Variants in EPS8 observed in about 807,000 individuals in gnomAD.
EPS8 encodes the protein EGFR pathway substrate 8, signaling adaptor, also known as epidermal growth factor receptor kinase substrate 8.
EPS8 carries 42 observed loss-of-function variants against 103.8 expected under a neutral mutation model. The observed-to-expected ratio is 0.40, with a 90% confidence interval of 0.32 to 0.52. The LOEUF is 0.52. EPS8 is among the 20% of genes least tolerant of loss of function. The pLI is 0.40. For missense variants in EPS8, 969 were observed against 1,005.1 expected (o/e 0.96, Z 0.49); for synonymous variants, 344 against 344.6 (o/e 1.00, Z 0.02).
At chr12:15,685,804 G>A (rs1946086435) in intron 1 of EPS8, among the ~76,000 whole-genome samples, 1 of 152,008 alleles carries the variant, frequency 6.6e-6, no homozygotes, top group African/African-American at 2.4e-5. Context: ...AGGCTTTTAA[G>A]ACATACCCAG....
At chr12:15,707,677 A>G (rs1020398529) in intron 1 of EPS8, among the ~76,000 whole-genome samples, 2 of 152,134 alleles carry the variant, frequency 1.3e-5, no homozygotes, top group East Asian at 3.9e-4. Context: ...ATTTATGCTC[A>G]TGATCAGATT....
At chr12:15,739,463 T>C (rs920905030) in intron 1 of EPS8, among the ~76,000 whole-genome samples, 3 of 152,176 alleles carry the variant, frequency 2.0e-5, no homozygotes, top group Admixed American at 6.5e-5. Context: ...GCCCTGAATG[T>C]GGATGGGCAC....
rs995823775 is a variant in EPS8 at position 15,714,522 on chromosome 12, G to A, written c.-21-31550C>T. 2.6e-5 allele frequency among the ~76,000 whole-genome samples: 4 copies of A among 152,106 alleles called. No individual in the cohort carries two copies. Among genetic ancestry groups the A allele is most frequent in the Admixed American group, 2.6e-4 (4 of 15,270 alleles). On this transcript the variant is annotated intron_variant, in intron 1 of 20. Transcript: ENST00000281172. The surrounding 1 kb of genome is among the most constrained non-coding windows in gnomAD (Gnocchi z 4.1). ...CCAAGCATGGTGGTACACACCAGCAGTCCTAGATGCTCATGAGGCTGAGAC... is the reference window on the plus strand; with the variant it reads ...CCAAGCATGGTGGTACACACCAGCAATCCTAGATGCTCATGAGGCTGAGAC...
Position 15,777,905 on chromosome 12 carries a change from T to A in EPS8, c.-22+11256A>T, listed in dbSNP as rs1947223322. Among the ~76,000 whole-genome samples the A allele has an allele frequency of 2.6e-5, 4 of 152,138 alleles. No homozygotes were observed. The highest frequency in any genetic ancestry group is 2.6e-4 in the Admixed American group (4 of 15,266). ...TTAAGATAAAGCTGAAAATGTGAAA[T>A]GTGGACAAAGTTTATGGATGTTGTA... On this transcript the variant is annotated intron_variant, in intron 1 of 20. Coordinates refer to ENST00000281172, the MANE Select transcript of EPS8 (RefSeq NM_004447.6). This position sits in a 1 kb window ranked among gnomAD's most constrained non-coding sequence, Gnocchi z 4.7.
rs762229127 is a variant in EPS8, at chr12:15,669,859, C to A, written c.205-34G>T. On this transcript the variant is annotated intron_variant, in intron 4 of 20. Transcript: ENST00000281172. ...TGGCAAAAAGGAAAAAGATTTATAA[C>A]ACATACAAACACATACAACCTCTTA... The A allele has an allele frequency of 1.4e-5, 21 of 1,463,556 alleles. No homozygotes were observed. The African/African-American group carries it at 2.7e-4, about 19-fold the overall frequency. 90.7% of individuals were successfully genotyped at this position (1,463,556 alleles called of 1,614,324 possible). A position where few individuals can be genotyped will look rare whatever the true frequency, so the allele number is the denominator to read the frequency against.
intron 18 of EPS8, among the ~76,000 whole-genome samples, chr12:15,626,521 C>T (rs575028961): frequency 8.7e-5 from 13 of 149,866 alleles, no homozygotes; most frequent in Admixed American, 2.7e-4. Context: ...CCCAGCTACT[C>T]GGGAGGCTGA....
rs191854460 is a variant in EPS8 at position 15,640,981 on chromosome 12, G to T, written c.1678-135C>A. The T allele has an allele frequency of 1.1e-3, 789 of 697,146 alleles. 10 individuals are homozygous for T. The Admixed American group carries it at 0.02, about 18-fold the overall frequency. 43.2% of individuals were successfully genotyped at this position (697,146 alleles called of 1,614,324 possible). Reference sequence around the variant, plus strand: ...AGCATCAACATAGTGTTGATTGAATGATTCTCAGGAATTACACTAAGAAGA... The same window carrying T: ...AGCATCAACATAGTGTTGATTGAATTATTCTCAGGAATTACACTAAGAAGA... On this transcript the variant is annotated intron_variant, in intron 16 of 20. Coordinates refer to ENST00000281172, the MANE Select transcript of EPS8 (RefSeq NM_004447.6).
chr12:15,680,144 G>A (rs1029259369), intron 3 of EPS8, among the ~76,000 whole-genome samples: 7 of 152,180 alleles, frequency 4.6e-5, no homozygotes, highest in African/African-American at 1.7e-4. Context: ...AGGCATGTAT[G>A]GTATTAAATC....
chr12:15,763,769 T>C (rs1018802773), intron 1 of EPS8, among the ~76,000 whole-genome samples: 1 of 152,320 alleles, frequency 6.6e-6, no homozygotes, highest in East Asian at 1.9e-4. Flanking sequence ...TGTTGTACTC[T>C]AGACATCAAA....
intron 8 of EPS8, among the ~76,000 whole-genome samples, chr12:15,663,956 T>TA (rs1333390287): frequency 1.1e-3 from 26 of 24,392 alleles, no homozygotes; most frequent in African/African-American, 3.7e-3. Flanking sequence ...ATAATATATA[T>TA]ATATATATAT....
intron 1 of EPS8, among the ~76,000 whole-genome samples, chr12:15,720,176 T>G (rs1298513318): frequency 5.9e-5 from 9 of 152,314 alleles, no homozygotes; most frequent in African/African-American, 2.2e-4. Flanking sequence ...TTTCAAATAA[T>G]ATATGAAAAG....
chr12:15,652,032 T>C (rs1050352666), intron 13 of EPS8, among the ~76,000 whole-genome samples: 5 of 152,176 alleles, frequency 3.3e-5, no homozygotes, highest in African/African-American at 9.7e-5. Flanking sequence ...ATCAATTTAA[T>C]AAACTTCATG....
At position 15,779,072 on chromosome 12, in the gene EPS8, G is replaced by A. The variant is rs1407697225; in HGVS notation, c.-22+10089C>T. ...GGCTCACCACAACCTCCTGCCTCCC[G>A]GGTTCAAGCAATTCTCCTGCCTCAG... On this transcript the variant is annotated intron_variant, in intron 1 of 20. Transcript: ENST00000281172. The surrounding 1 kb of genome is among the most constrained non-coding windows in gnomAD (Gnocchi z 4.3). Among the ~76,000 whole-genome samples the A allele has an allele frequency of 6.6e-6, 1 of 152,034 alleles. No individual in the cohort carries two copies. The highest frequency in any genetic ancestry group is 1.9e-4 in the East Asian group (1 of 5,188).
rs548971360 is a variant in EPS8 at position 15,751,219 on chromosome 12, G to C, written c.-22+37942C>G. On this transcript the variant is annotated intron_variant, in intron 1 of 20. Transcript: ENST00000281172. The surrounding 1 kb of genome is among the most constrained non-coding windows in gnomAD (Gnocchi z 4.3). ...CTAAAAATATAAAAATTAGCCACAC[G>C]TAGTGGTGTGTGCCTGTAATCCCAG... is the stretch of plus-strand genomic sequence containing the variant. Among the ~76,000 whole-genome samples the C allele has an allele frequency of 6.6e-6, 1 of 152,112 alleles. No individual in the cohort carries two copies. Among genetic ancestry groups the C allele is most frequent in the African/African-American group, 2.4e-5 (1 of 41,458 alleles).
At chr12:15,674,556 C>A (rs549649945) in intron 3 of EPS8, among the ~76,000 whole-genome samples, 2 of 152,236 alleles carry the variant, frequency 1.3e-5, no homozygotes, top group South Asian at 2.1e-4. Context: ...AAATGAGTAT[C>A]CGAACCAACA....
At chr12:15,664,909 A>T (rs951737046) in intron 8 of EPS8, 1 of 152,210 alleles carries the variant, frequency 6.6e-6, no homozygotes, top group Non-Finnish European at 1.5e-5. Context: ...ATATTCTAAC[A>T]TATAAAAAGT....
At chr12:15,660,562 C>A in intron 10 of EPS8, 52 bp downstream of exon 10, 2 of 909,756 alleles carry the variant, frequency 2.2e-6, no homozygotes, top group South Asian at 1.3e-5. Context: ...CTGCGCCCAG[C>A]CAGTACTGGA....
intron 1 of EPS8, among the ~76,000 whole-genome samples, chr12:15,726,215 T>A (rs1362659384): frequency 2.6e-5 from 4 of 151,776 alleles, no homozygotes; most frequent in Admixed American, 6.6e-5. Flanking sequence ...TTTTTTCAGA[T>A]GAAGGACATG....
rs2135808851 is a variant in EPS8 at position 15,658,535 on chromosome 12, C to G, written c.988G>C (p.Asp330His). The change falls in exon 11 of 21, where the codon GAC (aspartate) becomes CAC (histidine). Residue 330 changes from aspartate (D) to histidine (H), a missense_variant. Asp to His is a moderately conservative substitution (Grantham distance 81). Coordinates refer to ENST00000281172, the MANE Select transcript of EPS8 (RefSeq NM_004447.6). ...CCGTGTTTAAACTTTTGGAAACAGT[C>G]AAGAAATTCATCAGGAGGTGGAGGT... ...AKPPPPDEFL[D>H]CFQKFKHGFN... 1 of 1,613,138 alleles carries G rather than the reference C, an allele frequency of 6.2e-7. No individual in the cohort carries two copies. The highest frequency in any genetic ancestry group is 1.7e-4 in the Middle Eastern group (1 of 6,054).
Sources: allele counts gnomAD v4.1 joint callset (sites outside exome capture counted in the v4.1 genomes callset), GRCh38; gene constraint gnomAD v4.1.1; non-coding constraint Gnocchi (gnomAD v3.1); transcripts MANE v1.5; gene names NCBI Gene and HGNC (gene_info 2026-07-23, HGNC 2026-07-21).